The following EIF2S1 variants were observed in gnomAD, a reference collection of about 807,000 sequenced individuals.
EIF2S1 encodes eukaryotic translation initiation factor 2 subunit 1.
A neutral mutation model predicts 33.5 loss-of-function variants in EIF2S1; 5 were observed. The ratio of observed to expected loss-of-function variants is 0.15; its 90% CI spans 0.08 to 0.31. The LOEUF (loss-of-function observed/expected upper bound fraction) is 0.31. Ranked by LOEUF, EIF2S1 falls within the 10% of genes least tolerant of loss-of-function variation. The pLI is 1.00. For missense variants in EIF2S1, 191 were observed against 384.6 expected, an observed-to-expected ratio of 0.50 and a Z score of 4.21; for synonymous variants, 99 against 127.5, an observed-to-expected ratio of 0.78 and a Z score of 1.51.
At chr14:67,380,207 G>A (rs956201877) in intron 4 of EIF2S1, among the ~76,000 whole-genome samples, 7 of 152,182 alleles carry the variant, frequency 4.6e-5, no homozygotes. Context: ...TGGCACTTAG[G>A]AGGGTCAGAT....
intron 2 of EIF2S1, among the ~76,000 whole-genome samples, chr14:67,370,269 T>G (rs1164174907): frequency 6.6e-6 from 1 of 152,210 alleles, no homozygotes; most frequent in African/African-American, 2.4e-5. Context: ...GCTGCAGAGA[T>G]TTTGTTTATG....
intron 3 of EIF2S1, among the ~76,000 whole-genome samples, chr14:67,375,726 C>T (rs889138198): frequency 3.3e-5 from 5 of 152,110 alleles, no homozygotes; most frequent in African/African-American, 1.2e-4. Flanking sequence ...ACTCTAGGAC[C>T]TTACCACTTA....
rs1403919504 is a variant in EIF2S1, at chr14:67,374,451, A to C, written c.242-17A>C. The stretch of plus-strand genomic sequence containing the variant: ...GCATCTGGACAGAGATGATTTTTTC[A>C]CAATTTTTTTGTACAGGATATATTG... On this transcript the variant is annotated splice_polypyrimidine_tract_variant and intron_variant, in intron 2 of 7. Coordinates refer to ENST00000256383, the MANE Select transcript of EIF2S1 (RefSeq NM_004094.5). The C allele has an allele frequency of 3.9e-6, 6 of 1,553,990 alleles. No individual in the cohort carries two copies. Among genetic ancestry groups the C allele is most frequent in the Middle Eastern group, 3.4e-4 (2 of 5,862 alleles).
At position 67,377,943 on chromosome 14, in the gene EIF2S1, TA is replaced by T. The variant is rs1043710734; in HGVS notation, c.473+1367del. On this transcript the variant is annotated intron_variant, in intron 4 of 7. Transcript: ENST00000256383. ...GGCAGCATAGCAAGACTGCCATCTCTAAAAAAAAAAAAAATTAAAAGTAGCC... is the reference window on the plus strand; with the variant it reads ...GGCAGCATAGCAAGACTGCCATCTCTAAAAAAAAAAAAATTAAAAGTAGCC... 1.9e-3 allele frequency among the ~76,000 whole-genome samples: 270 copies of T among 141,172 alleles called. 1 individual carries two copies. The highest frequency in any genetic ancestry group is 1.9e-3 in the Admixed American group (27 of 14,026). 92.6% of individuals were successfully genotyped at this position (141,172 alleles called of 152,430 possible).
At chr14:67,365,791 C>G (rs890822805) in intron 2 of EIF2S1, among the ~76,000 whole-genome samples, 11 of 152,166 alleles carry the variant, frequency 7.2e-5, no homozygotes, top group Non-Finnish European at 1.2e-4. Context: ...TCTGAATCTC[C>G]TCAGCCGTCT....
Position 67,364,884 on chromosome 14 carries a change from C to T in EIF2S1, c.117C>T (p.Tyr39=), listed in dbSNP as rs1595643472. ...EMGAYVSLLE[Y]NNIEGMILLS... ...GGGCTTATGTCAGCTTGCTGGAATA[C>T]AACAACATTGAAGGCATGATTCTTC... The change falls in exon 2 of 8, where the codon TAC becomes TAT. Residue 39 remains tyrosine, a synonymous_variant. Transcript: ENST00000256383. 1.2e-6 allele frequency: 2 copies of T among 1,613,966 alleles called. No homozygotes were observed. Among genetic ancestry groups the T allele is most frequent in the South Asian group, 2.2e-5 (2 of 91,080 alleles).
intron 3 of EIF2S1, 69 bp from the exon 4 acceptor site, chr14:67,376,370 C>T: frequency 7.1e-7 from 1 of 1,409,092 alleles, no homozygotes; most frequent in Non-Finnish European, 9.5e-7. Context: ...ATGTTATTTA[C>T]TAAAATGTAA....
In EIF2S1 at chr14:67,383,666, T is replaced by C. The variant is rs1157459331; in HGVS notation, c.*226T>C. 9 of 479,266 alleles carry C rather than the reference T, an allele frequency of 1.9e-5. No homozygotes were observed. The highest frequency in any genetic ancestry group is 1.6e-4 in the South Asian group (8 of 50,780). The allele number at this position is 479,266 out of a possible 1,614,324, so 29.7% of individuals were successfully genotyped here. A position where few individuals can be genotyped will look rare whatever the true frequency, so the allele number is the denominator to read the frequency against. On this transcript the variant is annotated 3_prime_UTR_variant, in exon 8 of 8. Transcript: ENST00000256383. ...GAGCATTTTTAAGGGAGTGGCCTCA[T>C]TTCACTAGAGACAAATCTTTAAGAA...
chr14:67,374,321 A>C, intron 2 of EIF2S1, 147 bp from the exon 3 acceptor site: 1 of 454,076 alleles, frequency 2.2e-6, no homozygotes, highest in Non-Finnish European at 4.0e-6. Flanking sequence ...CAGCCTTGTA[A>C]TACTTATGCA....
At chr14:67,379,684 T>G (rs1370237090) in intron 4 of EIF2S1, among the ~76,000 whole-genome samples, 1 of 120,822 alleles carries the variant, frequency 8.3e-6, no homozygotes, top group African/African-American at 3.9e-5. Context: ...AGACGGAGTC[T>G]CGCTCTGTCG....
intron 3 of EIF2S1, 194 bp downstream of exon 3, chr14:67,374,741 A>C: frequency 2.5e-6 from 1 of 405,688 alleles, no homozygotes. Flanking sequence ...ACTTGTTTAC[A>C]GTTGGAATGC....
At chr14:67,360,878 A>C (rs1243363265) in intron 1 of EIF2S1, 1 of 151,976 alleles carries the variant, frequency 6.6e-6, no homozygotes, top group Non-Finnish European at 1.5e-5. Context: ...TCTACCAAAA[A>C]TTTCCCCTGC....
rs766318218 is a variant in EIF2S1, at chr14:67,383,482, C to T, written c.*42C>T. The T allele has an allele frequency of 2.6e-5, 42 of 1,607,102 alleles. No individual in the cohort carries two copies. Among genetic ancestry groups the T allele is most frequent in the East Asian group, 1.1e-4 (5 of 44,570 alleles). On this transcript the variant is annotated 3_prime_UTR_variant, in exon 8 of 8. Coordinates refer to ENST00000256383, the MANE Select transcript of EIF2S1 (RefSeq NM_004094.5). ...GTCCAATTTAAGGAACACAGAGCAG[C>T]GCTTCCTGGCTGTAAATCCTAGACT...
intron 3 of EIF2S1, among the ~76,000 whole-genome samples, chr14:67,374,861 T>C (rs12590065): frequency 0.19 from 28,885 of 152,060 alleles, 4,404 homozygotes; most frequent in East Asian, 0.48. Flanking sequence ...GCCTCAGCCC[T>C]CCAAAGTGCT....
At position 67,383,426 on chromosome 14, in the gene EIF2S1, A is replaced by G. The variant is rs1312861434; in HGVS notation, c.934A>G (p.Lys312Glu). The change falls in exon 8 of 8, where the codon AAA (lysine) becomes GAA (glutamate). Residue 312 changes from lysine to glutamate, a missense_variant. By Grantham distance (56) the Lys-to-Glu change is moderately conservative. Transcript: ENST00000256383. Reference protein sequence around the residue: ...GDDDAEEMEAKAED With the variant: ...GDDDAEEMEAEAED ...TGATGATGCAGAAGAAATGGAAGCC[A>G]AAGCTGAAGATTAACTTTGTGGGAA... 61 of 1,613,372 alleles carry G rather than the reference A, an allele frequency of 3.8e-5. No individual in the cohort carries two copies. Among genetic ancestry groups the G allele is most frequent in the East Asian group, 6.7e-5 (3 of 44,870 alleles).
intron 2 of EIF2S1, among the ~76,000 whole-genome samples, chr14:67,374,231 A>T (rs2085844464): frequency 6.6e-6 from 1 of 152,202 alleles, no homozygotes. Flanking sequence ...GGATGCTCTA[A>T]CTAGTAAATA....
intron 1 of EIF2S1, chr14:67,364,391 C>T (rs2141127075): frequency 6.1e-6 from 1 of 163,000 alleles, no homozygotes; most frequent in South Asian, 1.7e-4. Flanking sequence ...CTTTAGTTTT[C>T]TGATTAGTTA....
intron 7 of EIF2S1, among the ~76,000 whole-genome samples, chr14:67,383,080 CAG>C (rs1483694589): frequency 6.6e-6 from 1 of 152,050 alleles, no homozygotes; most frequent in African/African-American, 2.4e-5. Context: ...ATAAAAATGA[CAG>C]AAAATAATTT....
chr14:67,383,636 A>T lies in EIF2S1; in HGVS notation c.*196A>T. On this transcript the variant is annotated 3_prime_UTR_variant, in exon 8 of 8. Transcript: ENST00000256383. ...GCTGTTGTCACACAGTAGCTCCAAC[A>T]CTTTGAGCATTTTTAAGGGAGTGGC... The T allele has an allele frequency of 1.5e-6, 1 of 647,442 alleles. No homozygotes were observed. Among genetic ancestry groups the T allele is most frequent in the Non-Finnish European group, 2.5e-6 (1 of 393,638 alleles). 40.1% of individuals were successfully genotyped at this position (647,442 alleles called of 1,614,324 possible).
Sources: allele counts gnomAD v4.1 joint callset (sites outside exome capture counted in the v4.1 genomes callset), GRCh38; gene constraint gnomAD v4.1.1; transcripts MANE v1.5; gene names NCBI Gene and HGNC (gene_info 2026-07-23, HGNC 2026-07-21).